The following SLC35D4 variants were observed in gnomAD, a reference collection of about 807,000 sequenced individuals.
SLC35D4 encodes UDP-N-acetylglucosamine transporter SLC35D4.
chr18:23,270,952 T>G, the SLC35D4 span, among the ~76,000 whole-genome samples: 1 of 152,166 alleles, frequency 6.6e-6, no homozygotes, highest in Non-Finnish European at 1.5e-5. Flanking sequence ...GAAGGCATGA[T>G]TGGTTTTGAA....
chr18:23,243,829 G>A, the SLC35D4 span, among the ~76,000 whole-genome samples: 6 of 145,906 alleles, frequency 4.1e-5, no homozygotes, highest in South Asian at 2.2e-4. Context: ...CCGAGATCAC[G>A]CCACTGTACC....
the SLC35D4 span, among the ~76,000 whole-genome samples, chr18:23,249,216 T>A: frequency 6.6e-6 from 1 of 152,210 alleles, no homozygotes; most frequent in Admixed American, 6.5e-5. Context: ...GTTTTTGGAA[T>A]CCTAGCTGCA....
At chr18:23,428,844 ACT>A in the SLC35D4 span, among the ~76,000 whole-genome samples, 1 of 151,328 alleles carries the variant, frequency 6.6e-6, no homozygotes, top group African/African-American at 2.4e-5. Context: ...TCTCTCCCTA[ACT>A]CTCCCCTTGG....
the SLC35D4 span, among the ~76,000 whole-genome samples, chr18:23,300,171 G>T: frequency 1.3e-5 from 2 of 152,142 alleles, no homozygotes; most frequent in African/African-American, 2.4e-5. Context: ...CTTTGGAAAA[G>T]ACATGACTGT....
the SLC35D4 span, among the ~76,000 whole-genome samples, chr18:23,407,728 A>T: frequency 6.6e-6 from 1 of 152,200 alleles, no homozygotes; most frequent in African/African-American, 2.4e-5. Context: ...TTTAAAAGTT[A>T]TATCCAATAG....
At chr18:23,253,840 C>G in the SLC35D4 span, 3 of 1,614,252 alleles carry the variant, frequency 1.9e-6, no homozygotes, top group Non-Finnish European at 2.5e-6. Flanking sequence ...GGAAACTCAA[C>G]AAACAGAACC....
chr18:23,398,402 T>C, the SLC35D4 span, among the ~76,000 whole-genome samples: 2 of 152,238 alleles, frequency 1.3e-5, no homozygotes, highest in African/African-American at 2.4e-5. Flanking sequence ...CAAAATCCAA[T>C]AGTCTATGGC....
At chr18:23,368,896 T>C in the SLC35D4 span, 2 of 555,222 alleles carry the variant, frequency 3.6e-6, no homozygotes, top group Non-Finnish European at 3.1e-6. Context: ...GTATTTAATA[T>C]TCAAAACCAG....
the SLC35D4 span, among the ~76,000 whole-genome samples, chr18:23,406,261 C>G: frequency 6.6e-6 from 1 of 152,184 alleles, no homozygotes; most frequent in Non-Finnish European, 1.5e-5. Flanking sequence ...AATAGCTCTA[C>G]GAGACAGAGA....
the SLC35D4 span, among the ~76,000 whole-genome samples, chr18:23,425,787 T>C: frequency 1.3e-5 from 2 of 152,224 alleles, no homozygotes; most frequent in African/African-American, 2.4e-5. Flanking sequence ...TTAACAATCA[T>C]ATACAGATTA....
At chr18:23,372,283 A>G in the SLC35D4 span, among the ~76,000 whole-genome samples, 1 of 151,970 alleles carries the variant, frequency 6.6e-6, no homozygotes, top group African/African-American at 2.4e-5. Flanking sequence ...CCCCTCTCCT[A>G]GATTGCACAT....
chr18:23,314,181 T>C, the SLC35D4 span, among the ~76,000 whole-genome samples: 4 of 152,206 alleles, frequency 2.6e-5, no homozygotes, highest in Admixed American at 2.0e-4. Flanking sequence ...GGACACACCT[T>C]GGAGTGACAG....
At chr18:23,288,973 G>A in the SLC35D4 span, among the ~76,000 whole-genome samples, 29 of 152,276 alleles carry the variant, frequency 1.9e-4, no homozygotes, top group African/African-American at 6.0e-4. Flanking sequence ...GCCTGTCCTC[G>A]GAATGCTACA....
At chr18:23,377,818 G>A in the SLC35D4 span, 1 of 649,622 alleles carries the variant, frequency 1.5e-6, no homozygotes, top group South Asian at 3.9e-5. Flanking sequence ...ATTTATTGAG[G>A]CTTTTTCTGC....
chr18:23,426,805 T>G, the SLC35D4 span, among the ~76,000 whole-genome samples: 3 of 152,104 alleles, frequency 2.0e-5, no homozygotes, highest in East Asian at 1.9e-4. Context: ...GCATGGTACT[T>G]GTACAAAAAC....
the SLC35D4 span, among the ~76,000 whole-genome samples, chr18:23,328,837 A>G: frequency 1.3e-5 from 2 of 152,196 alleles, no homozygotes; most frequent in South Asian, 2.1e-4. Flanking sequence ...AAAACAGCAC[A>G]GTACTGGTAC....
chr18:23,415,674 GA>G, the SLC35D4 span, among the ~76,000 whole-genome samples: 1 of 152,200 alleles, frequency 6.6e-6, no homozygotes, highest in South Asian at 2.1e-4. Flanking sequence ...GCATCTGCTG[GA>G]AAAATTGCTT....
the SLC35D4 span, among the ~76,000 whole-genome samples, chr18:23,315,036 G>T: frequency 2.0e-5 from 3 of 152,212 alleles, no homozygotes; most frequent in Non-Finnish European, 4.4e-5. Flanking sequence ...GGGGGGTGTT[G>T]TAAGTAGGAA....
the SLC35D4 span, among the ~76,000 whole-genome samples, chr18:23,424,657 C>A: frequency 6.6e-6 from 1 of 152,174 alleles, no homozygotes; most frequent in Non-Finnish European, 1.5e-5. Context: ...AAGAGAGAAA[C>A]CAGTATCCCA....
Sources: gnomAD v4.1 joint callset for allele counts (sites outside exome capture counted in the v4.1 genomes callset) on GRCh38, gnomAD v4.1.1 for gene constraint, MANE v1.5 for transcripts, NCBI Gene and HGNC (gene_info 2026-07-23, HGNC 2026-07-21) for gene names.